Variants in HHAT observed in about 807,000 individuals in gnomAD.
The protein encoded by HHAT is hedgehog acyltransferase.
In HHAT, 47 loss-of-function variants were observed where a neutral mutation model predicts 70.8. The observed-to-expected ratio is 0.66, with a 90% CI of 0.53 to 0.85. The LOEUF (loss-of-function observed/expected upper bound fraction) is 0.85. HHAT is among the 40% of genes least tolerant of loss of function. The pLI, the probability that HHAT is intolerant of heterozygous loss-of-function variation, is 0.00. For synonymous variants in HHAT, 228 were observed against 247.6 expected (o/e 0.92, Z 0.74); for missense variants, 609 against 604.8 (o/e 1.01, Z -0.07).
chr1:210,488,139 C>T (rs761764532), intron 8 of HHAT, among the ~76,000 whole-genome samples: 2 of 152,182 alleles, frequency 1.3e-5, no homozygotes, highest in Non-Finnish European at 2.9e-5. Context: ...TTCCCCTCTA[C>T]ACTGGAGAAT....
At chr1:210,437,888 C>T (rs187557510) in intron 7 of HHAT, among the ~76,000 whole-genome samples, 12 of 152,030 alleles carry the variant, frequency 7.9e-5, no homozygotes, top group Admixed American at 7.8e-4. Flanking sequence ...GACAAATTGG[C>T]CAATGGCATG....
intron 3 of HHAT, among the ~76,000 whole-genome samples, chr1:210,377,998 T>C (rs1467526421): frequency 1.3e-5 from 2 of 152,244 alleles, no homozygotes; most frequent in East Asian, 3.8e-4. Flanking sequence ...GAGAGAGTGT[T>C]GTCTCTGGAA....
intron 10 of HHAT, among the ~76,000 whole-genome samples, chr1:210,591,253 A>G (rs1419103584): frequency 6.6e-6 from 1 of 152,060 alleles, no homozygotes; most frequent in African/African-American, 2.4e-5. Context: ...CTCTGTCTCC[A>G]CAAGTTCAGT....
chr1:210,676,076 G>A lies in HHAT; in HGVS notation c.*1697G>A, dbSNP rs937002676. 4 of 152,292 alleles carry A rather than the reference G, an allele frequency of 2.6e-5. No individual in the cohort carries two copies. Among genetic ancestry groups the A allele is most frequent in the Admixed American group, 6.5e-5 (1 of 15,304 alleles). The allele number at this position is 152,292 out of a possible 1,614,324, so 9.4% of individuals were successfully genotyped here. A position where few individuals can be genotyped will look rare whatever the true frequency, so the allele number is the denominator to read the frequency against. On this transcript the variant is annotated 3_prime_UTR_variant, in exon 12 of 12. Coordinates refer to ENST00000261458, the MANE Select transcript of HHAT (RefSeq NM_018194.6). ...AAAAAAGGGAGTAAAAATGATGATA[G>A]GGAAGTGTCTAATGTATGTGCACAT... is the stretch of plus-strand genomic sequence containing the variant.
intron 11 of HHAT, among the ~76,000 whole-genome samples, chr1:210,641,338 C>T (rs1343995336): frequency 2.0e-5 from 3 of 152,102 alleles, no homozygotes; most frequent in Non-Finnish European, 2.9e-5. Flanking sequence ...TAGTCAGTAC[C>T]CAGCATCCTG....
intron 9 of HHAT, among the ~76,000 whole-genome samples, chr1:210,564,164 T>C (rs1192093007): frequency 2.0e-5 from 3 of 150,584 alleles, no homozygotes; most frequent in African/African-American, 7.3e-5. Flanking sequence ...GGTTTCACCA[T>C]GCTGGCCAGG....
At chr1:210,508,394 G>T (rs1388908100) in intron 8 of HHAT, among the ~76,000 whole-genome samples, 1 of 152,076 alleles carries the variant, frequency 6.6e-6, no homozygotes, top group Non-Finnish European at 1.5e-5. Flanking sequence ...TTTGGATAGA[G>T]TCACTTTCTC....
chr1:210,610,451 A>G (rs1666355782), intron 10 of HHAT, among the ~76,000 whole-genome samples: 1 of 152,026 alleles, frequency 6.6e-6, no homozygotes, highest in Non-Finnish European at 1.5e-5. Context: ...GCAAATATTT[A>G]CTCACATTCT....
At chr1:210,557,340 A>G (rs538140218) in intron 9 of HHAT, among the ~76,000 whole-genome samples, 136 of 152,288 alleles carry the variant, frequency 8.9e-4, no homozygotes, top group Middle Eastern at 3.4e-3. Context: ...AGATAAGCCA[A>G]TCCCCTCCAC....
At chr1:210,327,796 C>T (rs1331640980), upstream of HHAT, among the ~76,000 whole-genome samples, 2 of 152,154 alleles carry the variant, frequency 1.3e-5, no homozygotes, top group East Asian at 1.9e-4. Flanking sequence ...TGGGCCACCG[C>T]GCCCAGCCTG....
chr1:210,650,300 AACAAGT>A (rs1256066359), intron 11 of HHAT, among the ~76,000 whole-genome samples: 1 of 152,208 alleles, frequency 6.6e-6, no homozygotes, highest in Non-Finnish European at 1.5e-5. Context: ...TTACAGAGCT[AACAAGT>A]GATGGAGCTC....
chr1:210,507,981 C>T (rs910418484), intron 8 of HHAT, among the ~76,000 whole-genome samples: 2 of 151,778 alleles, frequency 1.3e-5, no homozygotes, highest in African/African-American at 2.4e-5. Context: ...GAGTTGATCA[C>T]GAGGTCAGGA....
In HHAT at chr1:210,413,602, C is replaced by T. The variant is rs985319777; in HGVS notation, c.685-4552C>T. ...TTTAGCTAAATATCCAATTTCATTA[C>T]TCACAAATTCTGCCTTCCACAAAAC... On this transcript the variant is annotated intron_variant, in intron 6 of 11. Coordinates refer to ENST00000261458, the MANE Select transcript of HHAT (RefSeq NM_018194.6). 2.6e-5 allele frequency among the ~76,000 whole-genome samples: 4 copies of T among 152,200 alleles called. No individual in the cohort carries two copies. The East Asian group carries it at 7.7e-4, about 29-fold the overall frequency.
At position 210,493,388 on chromosome 1, in the gene HHAT, A is replaced by G. The variant is rs531484580; in HGVS notation, c.1008-19765A>G. ...CTTTTGAATCAAAGGTAGTCTGCAG[A>G]CAGAATTACTTCCTCTTTGGGGTCC... On this transcript the variant is annotated intron_variant, in intron 8 of 11. Transcript: ENST00000261458. Among the ~76,000 whole-genome samples, 7 of 152,340 alleles carry G rather than the reference A, an allele frequency of 4.6e-5. No individual in the cohort carries two copies. The East Asian group carries it at 1.2e-3, about 25-fold the overall frequency.
intron 9 of HHAT, among the ~76,000 whole-genome samples, chr1:210,513,540 A>T (rs2094998617): frequency 6.6e-6 from 1 of 152,212 alleles, no homozygotes; most frequent in South Asian, 2.1e-4. Flanking sequence ...CACTGAATTT[A>T]ATCTTTTTAA....
intron 8 of HHAT, among the ~76,000 whole-genome samples, chr1:210,470,813 T>C (rs950443115): frequency 6.6e-6 from 1 of 152,184 alleles, no homozygotes; most frequent in African/African-American, 2.4e-5. Flanking sequence ...TGCCTGGGTT[T>C]GAATCCTGGC....
At chr1:210,457,472 G>A (rs906002765) in intron 7 of HHAT, among the ~76,000 whole-genome samples, 8 of 152,140 alleles carry the variant, frequency 5.3e-5, no homozygotes, top group African/African-American at 1.4e-4. Context: ...CCAGACGAGA[G>A]GTCAGGCCAC....
In HHAT at chr1:210,469,022, G is replaced by A. The variant is rs75059360; in HGVS notation, c.1007+4367G>A. ...GCTATGAGGATTGAGCGAGCCTGGC[G>A]TATAGTAGGTCCTCAGGAAGTGGTA... On this transcript the variant is annotated intron_variant, in intron 8 of 11. Transcript: ENST00000261458. Among the ~76,000 whole-genome samples, 1,288 of 152,172 alleles carry A rather than the reference G, an allele frequency of 8.5e-3. 22 individuals are homozygous for A. The highest frequency in any genetic ancestry group is 0.03 in the African/African-American group (1,226 of 41,518).
intron 11 of HHAT, among the ~76,000 whole-genome samples, chr1:210,659,305 C>T (rs552475426): frequency 8.5e-5 from 13 of 152,288 alleles, no homozygotes; most frequent in African/African-American, 3.1e-4. Flanking sequence ...ATACTATAAA[C>T]ACCTCTATGC....
Sources: gnomAD v4.1 joint callset for allele counts (sites outside exome capture counted in the v4.1 genomes callset) on GRCh38, gnomAD v4.1.1 for gene constraint, MANE v1.5 for transcripts, NCBI Gene and HGNC (gene_info 2026-07-23, HGNC 2026-07-21) for gene names.